Variants in PDZRN4 observed in about 807,000 individuals in gnomAD.
The protein encoded by PDZRN4 is PDZ domain-containing RING finger protein 4.
In PDZRN4, 70 loss-of-function variants were observed where a neutral mutation model predicts 99.0. That is an observed-to-expected ratio of 0.71 (90% CI 0.58 to 0.86). PDZRN4 has a LOEUF of 0.86. Ranked by LOEUF, PDZRN4 falls within the 40% of genes least tolerant of loss-of-function variation. The pLI, the probability that PDZRN4 is intolerant of heterozygous loss-of-function variation, is 0.00. For missense variants in PDZRN4, 1,474 were observed against 1,331.2 expected (o/e 1.11, Z -1.67); for synonymous variants, 551 against 501.6 (o/e 1.10, Z -1.32).
chr12:41,213,949 T>C (rs762678451), intron 3 of PDZRN4, among the ~76,000 whole-genome samples: 2 of 152,000 alleles, frequency 1.3e-5, no homozygotes, highest in Non-Finnish European at 2.9e-5. Context: ...CTCAGAGTTG[T>C]TATCAAGATT....
chr12:41,387,415 C>G (rs1288863827), intron 3 of PDZRN4, among the ~76,000 whole-genome samples: 1 of 152,090 alleles, frequency 6.6e-6, no homozygotes, highest in Admixed American at 6.6e-5. Context: ...GAAACCTCAT[C>G]TGTACTAACA....
intron 3 of PDZRN4, among the ~76,000 whole-genome samples, chr12:41,358,939 T>A (rs952156307): frequency 2.0e-5 from 3 of 151,994 alleles, no homozygotes; most frequent in Non-Finnish European, 1.5e-5. Flanking sequence ...GGCCTTTACT[T>A]ATTAAATTTA....
chr12:41,444,602 G>A (rs1228602084), intron 3 of PDZRN4, among the ~76,000 whole-genome samples: 1 of 152,130 alleles, frequency 6.6e-6, no homozygotes. Context: ...AAAAGTGTTG[G>A]ATTGAAAGAA....
chr12:41,463,556 C>A (rs565520690), intron 3 of PDZRN4, among the ~76,000 whole-genome samples: 1 of 152,056 alleles, frequency 6.6e-6, no homozygotes, highest in Admixed American at 6.6e-5. Flanking sequence ...TTTAAATAAA[C>A]AAATGAGAAC....
chr12:41,424,849 A>G (rs2120419403), intron 3 of PDZRN4, among the ~76,000 whole-genome samples: 1 of 152,250 alleles, frequency 6.6e-6, no homozygotes, highest in South Asian at 2.1e-4. Context: ...AAAGACTGAG[A>G]GCAGCAGATG....
At chr12:41,317,053 T>TAC (rs1305031052) in intron 3 of PDZRN4, among the ~76,000 whole-genome samples, 148 of 12,830 alleles carry the variant, frequency 0.012, 17 homozygotes, top group Non-Finnish European at 0.027. Context: ...ATAAAGTATA[T>TAC]ATATATATAT....
Position 41,573,917 on chromosome 12 carries a change from A to AT in PDZRN4, c.*31dup. 1.4e-6 allele frequency: 2 copies of AT among 1,459,086 alleles called. No homozygotes were observed. The highest frequency in any genetic ancestry group is 2.9e-5 in the South Asian group (2 of 68,278). 90.4% of individuals were successfully genotyped at this position (1,459,086 alleles called of 1,614,324 possible). Reference sequence around the variant, plus strand: ...CGAATGAATGGAATGCATGCGACTGATTTTAGGAGGATGCTACCAGTTTCG... The same window carrying AT: ...CGAATGAATGGAATGCATGCGACTGATTTTTAGGAGGATGCTACCAGTTTCG... On this transcript the variant is annotated 3_prime_UTR_variant, in exon 10 of 10. Coordinates refer to ENST00000402685, the MANE Select transcript of PDZRN4 (RefSeq NM_001164595.2).
intron 5 of PDZRN4, among the ~76,000 whole-genome samples, chr12:41,534,686 C>T (rs1938720377): frequency 1.3e-5 from 2 of 152,104 alleles, no homozygotes; most frequent in African/African-American, 4.8e-5. Flanking sequence ...AATATCTTTA[C>T]TTTACCCTTG....
At chr12:41,427,165 T>A (rs959719149) in intron 3 of PDZRN4, among the ~76,000 whole-genome samples, 1 of 152,194 alleles carries the variant, frequency 6.6e-6, no homozygotes, top group African/African-American at 2.4e-5. Flanking sequence ...ACCATTTTTA[T>A]CTTAAAGGAA....
chr12:41,224,454 CAA>C (rs1313377498), intron 3 of PDZRN4, among the ~76,000 whole-genome samples: 2 of 152,088 alleles, frequency 1.3e-5, no homozygotes, highest in African/African-American at 4.8e-5. Context: ...GGGGTATGAA[CAA>C]GAGTGGAACT....
chr12:41,526,561 T>C (rs1019273155), intron 5 of PDZRN4, among the ~76,000 whole-genome samples: 1 of 152,194 alleles, frequency 6.6e-6, no homozygotes, highest in Non-Finnish European at 1.5e-5. Context: ...CAAAATAAAT[T>C]AATGTTGTTA....
intron 3 of PDZRN4, among the ~76,000 whole-genome samples, chr12:41,399,027 T>C (rs753202171): frequency 2.0e-5 from 3 of 152,154 alleles, no homozygotes; most frequent in Non-Finnish European, 4.4e-5. Flanking sequence ...CTTCCACTTA[T>C]TTGAATTATT....
chr12:41,565,421 C>A (rs1413829114), intron 8 of PDZRN4, among the ~76,000 whole-genome samples: 3 of 147,510 alleles, frequency 2.0e-5, no homozygotes, highest in Non-Finnish European at 4.5e-5. Context: ...TTAATCAGTA[C>A]ATGCTATAAA....
At chr12:41,348,140 T>C (rs907252771) in intron 3 of PDZRN4, among the ~76,000 whole-genome samples, 1 of 152,112 alleles carries the variant, frequency 6.6e-6, no homozygotes, top group Non-Finnish European at 1.5e-5. Context: ...AAAGGTAAAG[T>C]TTTGGGAGAT....
intron 3 of PDZRN4, among the ~76,000 whole-genome samples, chr12:41,239,509 A>G (rs568386355): frequency 6.6e-6 from 1 of 152,336 alleles, no homozygotes; most frequent in South Asian, 2.1e-4. Flanking sequence ...TAAATCTGCC[A>G]CCTGTTCTGT....
intron 3 of PDZRN4, among the ~76,000 whole-genome samples, chr12:41,277,085 C>A (rs549763323): frequency 6.6e-6 from 1 of 152,216 alleles, no homozygotes; most frequent in Admixed American, 6.5e-5. Context: ...CTTCTAGCAA[C>A]AAATTGAGTA....
chr12:41,403,849 G>A (rs923955612), intron 3 of PDZRN4, among the ~76,000 whole-genome samples: 3 of 152,044 alleles, frequency 2.0e-5, no homozygotes, highest in African/African-American at 7.2e-5. Flanking sequence ...ACAAAAAAAT[G>A]CAATACCAAA....
At chr12:41,318,272 C>A (rs990392723) in intron 3 of PDZRN4, among the ~76,000 whole-genome samples, 2 of 152,078 alleles carry the variant, frequency 1.3e-5, no homozygotes, top group Non-Finnish European at 2.9e-5. Context: ...TATTTAAGTA[C>A]CTATATATAA....
intron 6 of PDZRN4, among the ~76,000 whole-genome samples, chr12:41,555,317 G>T (rs1451955822): frequency 1.3e-5 from 2 of 150,916 alleles, no homozygotes; most frequent in Admixed American, 6.6e-5. Context: ...AATTTCCTGG[G>T]TCCAGAGAGT....
Sources: allele counts gnomAD v4.1 joint callset (sites outside exome capture counted in the v4.1 genomes callset), GRCh38; gene constraint gnomAD v4.1.1; transcripts MANE v1.5; gene names NCBI Gene and HGNC (gene_info 2026-07-23, HGNC 2026-07-21).